The following LRRC28 variants were observed in gnomAD, a reference collection of about 807,000 sequenced individuals.
LRRC28 encodes the protein leucine-rich repeat-containing protein 28.
LRRC28 carries 39 observed loss-of-function variants against 45.7 expected under a neutral mutation model. The ratio of observed to expected loss-of-function variants is 0.85; its 90% confidence interval spans 0.66 to 1.12. The LOEUF is 1.12. Among genes scored for constraint, LRRC28 ranks in the 50% most tolerant of loss-of-function variants. LRRC28 has a pLI of 0.00. For missense variants in LRRC28, 435 were observed against 438.5 expected, an observed-to-expected ratio of 0.99 and a Z score of 0.07; for synonymous variants, 206 against 178.8, an observed-to-expected ratio of 1.15 and a Z score of -1.22.
At chr15:99,260,116 T>C in intron 2 of LRRC28, 1 of 432,802 alleles carries the variant, frequency 2.3e-6, no homozygotes, top group Non-Finnish European at 4.5e-6. Context: ...CCCCCACCAG[T>C]CCCCTTCTCC....
intron 7 of LRRC28, chr15:99,353,979 G>A (rs1428708380): frequency 1.3e-5 from 2 of 151,858 alleles, no homozygotes; most frequent in African/African-American, 4.8e-5. Context: ...AAAACACTAG[G>A]GGAAAATACA....
rs368552087 is a variant in LRRC28, at chr15:99,270,915, C to G, written c.169-5661C>G. On this transcript the variant is annotated intron_variant, in intron 2 of 9. Transcript: ENST00000301981. ...TGGTTCCAGTTTCTCCACATTCTTG[C>G]CAACACTTGTTACTTTTCTTTTTTT... Among the ~76,000 whole-genome samples, 6 of 152,328 alleles carry G rather than the reference C, an allele frequency of 3.9e-5. No homozygotes were observed. The East Asian group carries it at 5.8e-4, about 15-fold the overall frequency.
chr15:99,254,820 T>C (rs2080967743), intron 1 of LRRC28, among the ~76,000 whole-genome samples: 1 of 152,258 alleles, frequency 6.6e-6, no homozygotes, highest in Non-Finnish European at 1.5e-5. Flanking sequence ...CTTGTCAATT[T>C]TGGAGCTAGA....
chr15:99,298,219 A>G (rs749345323), intron 5 of LRRC28, among the ~76,000 whole-genome samples: 10 of 152,210 alleles, frequency 6.6e-5, no homozygotes, highest in Non-Finnish European at 1.5e-4. Context: ...CTTCACATGC[A>G]GTACTTCTTA....
At position 99,333,618 on chromosome 15, in the gene LRRC28, C is replaced by G. The variant is rs1031029799; in HGVS notation, c.386-305C>G. 1.1e-5 allele frequency: 4 copies of G among 357,402 alleles called. No homozygotes were observed. The East Asian group carries it at 2.1e-4, about 18-fold the overall frequency. The allele number at this position is 357,402 out of a possible 1,614,324, so 22.1% of individuals were successfully genotyped here. On this transcript the variant is annotated intron_variant, in intron 5 of 9. Coordinates refer to ENST00000301981, the MANE Select transcript of LRRC28 (RefSeq NM_144598.5). ...TTTCTCACCCTGGCAACAAACTTGA[C>G]TCATCAAGATGCAGAAGCCATAGTG...
chr15:99,362,142 T>A (rs910357859), intron 8 of LRRC28, among the ~76,000 whole-genome samples: 1 of 152,212 alleles, frequency 6.6e-6, no homozygotes, highest in Non-Finnish European at 1.5e-5. Context: ...AATATTAATA[T>A]GAAAAATACA....
At chr15:99,361,208 T>G in intron 7 of LRRC28, 128 bp from the exon 8 acceptor site, 1 of 1,179,472 alleles carries the variant, frequency 8.5e-7, no homozygotes, top group Admixed American at 2.9e-5. Flanking sequence ...CTGTTCACTT[T>G]GAAAAGAATT....
chr15:99,348,867 A>G (rs1279478146), intron 6 of LRRC28, among the ~76,000 whole-genome samples: 1 of 151,718 alleles, frequency 6.6e-6, no homozygotes, highest in African/African-American at 2.4e-5. Flanking sequence ...TGCTTTGGGT[A>G]GTTTGGACAT....
intron 3 of LRRC28, among the ~76,000 whole-genome samples, chr15:99,282,790 G>A (rs1415574904): frequency 6.6e-6 from 1 of 152,180 alleles, no homozygotes; most frequent in Non-Finnish European, 1.5e-5. Context: ...GCATGTGACT[G>A]TATTTCATCT....
intron 6 of LRRC28, among the ~76,000 whole-genome samples, chr15:99,350,195 T>C (rs1282363494): frequency 6.6e-6 from 1 of 152,184 alleles, no homozygotes; most frequent in Non-Finnish European, 1.5e-5. Flanking sequence ...AAGATACCTT[T>C]TCTTACCTAT....
chr15:99,361,566 C>A, intron 8 of LRRC28, 55 bp downstream of exon 8: 2 of 1,486,378 alleles, frequency 1.3e-6, no homozygotes, highest in Admixed American at 2.4e-5. Flanking sequence ...GAACATTGTG[C>A]TTGGTGCACC....
At chr15:99,379,859 G>A (rs1037856929) in intron 9 of LRRC28, among the ~76,000 whole-genome samples, 1 of 152,228 alleles carries the variant, frequency 6.6e-6, no homozygotes, top group Non-Finnish European at 1.5e-5. Context: ...TTTTGAGTGA[G>A]TTTCTTAATC....
intron 5 of LRRC28, among the ~76,000 whole-genome samples, chr15:99,332,955 C>T (rs1474080685): frequency 1.3e-5 from 2 of 151,958 alleles, no homozygotes; most frequent in Non-Finnish European, 2.9e-5. Flanking sequence ...AGGAATGACT[C>T]GGGAACAGGG....
At chr15:99,258,163 A>G in intron 2 of LRRC28, 2 of 1,612,608 alleles carry the variant, frequency 1.2e-6, no homozygotes, top group Non-Finnish European at 1.7e-6. Flanking sequence ...TGACTGAAGC[A>G]CAGGAAGATG....
chr15:99,276,922 A>C (rs546307529), intron 3 of LRRC28, among the ~76,000 whole-genome samples: 1 of 152,152 alleles, frequency 6.6e-6, no homozygotes, highest in Non-Finnish European at 1.5e-5. Context: ...GGGAAAATCT[A>C]TTATTGTTAT....
intron 3 of LRRC28, chr15:99,285,616 G>T: frequency 1.5e-6 from 1 of 672,740 alleles, no homozygotes; most frequent in Non-Finnish European, 2.7e-6. Context: ...TGCTTCCTCA[G>T]CAGCATCCAT....
At chr15:99,260,644 A>G (rs2081171138) in intron 2 of LRRC28, among the ~76,000 whole-genome samples, 1 of 152,204 alleles carries the variant, frequency 6.6e-6, no homozygotes, top group Non-Finnish European at 1.5e-5. Flanking sequence ...GTTTTTGACA[A>G]CAGGTAAAAC....
intron 3 of LRRC28, among the ~76,000 whole-genome samples, chr15:99,279,790 G>A (rs1002662964): frequency 1.3e-5 from 2 of 152,122 alleles, no homozygotes; most frequent in African/African-American, 4.8e-5. Flanking sequence ...TGTAGCATTT[G>A]GACATTTCTG....
At chr15:99,295,543 C>G (rs574076036) in intron 5 of LRRC28, among the ~76,000 whole-genome samples, 24 of 152,134 alleles carry the variant, frequency 1.6e-4, no homozygotes, top group Non-Finnish European at 3.5e-4. Flanking sequence ...CTTTAATACT[C>G]GAGAAATCTG....
Sources: allele counts gnomAD v4.1 joint callset (sites outside exome capture counted in the v4.1 genomes callset), GRCh38; gene constraint gnomAD v4.1.1; transcripts MANE v1.5; gene names NCBI Gene and HGNC (gene_info 2026-07-23, HGNC 2026-07-21).